VCAM1: variants seen among roughly 807,000 people sequenced by gnomAD.
VCAM1 encodes the protein vascular cell adhesion molecule 1.
In VCAM1, 41 loss-of-function variants were observed where a neutral mutation model predicts 63.8. That is an observed-to-expected ratio of 0.64 (90% CI 0.50 to 0.83). The LOEUF is 0.83. Among genes scored for constraint, VCAM1 ranks in the 40% least tolerant of loss-of-function variants. The pLI, the probability that VCAM1 is intolerant of heterozygous loss-of-function variation, is 0.00. For missense variants in VCAM1, 798 were observed against 875.5 expected, an observed-to-expected ratio of 0.91 and a Z score of 1.12; for synonymous variants, 338 against 320.7, an observed-to-expected ratio of 1.05 and a Z score of -0.58.
chr1:100,719,772 A>T lies in VCAM1; in HGVS notation c.-89A>T. On this transcript the variant is annotated 5_prime_UTR_variant, in exon 1 of 9. Coordinates refer to ENST00000294728, the MANE Select transcript of VCAM1 (RefSeq NM_001078.4). The stretch of plus-strand genomic sequence containing the variant: ...ATCTGCATCGGGCCTCACTGGCTTC[A>T]GGAGCTGAATACCCTCCCAGGCACA... 2 of 1,373,256 alleles carry T rather than the reference A, an allele frequency of 1.5e-6. No homozygotes were observed. The highest frequency in any genetic ancestry group is 1.0e-6 in the Non-Finnish European group (1 of 991,184). The allele number at this position is 1,373,256 out of a possible 1,614,324, so 85.1% of individuals were successfully genotyped here. A position where few individuals can be genotyped will look rare whatever the true frequency, so the allele number is the denominator to read the frequency against.
intron 2 of VCAM1, among the ~76,000 whole-genome samples, chr1:100,721,314 G>GT (rs34736359): frequency 1.3e-5 from 2 of 151,106 alleles, no homozygotes; most frequent in Non-Finnish European, 3.0e-5. Flanking sequence ...TTTTTTTTTG[G>GT]TTTTTTTGGT....
chr1:100,738,372 G>T lies in VCAM1; in HGVS notation c.*89G>T. On this transcript the variant is annotated 3_prime_UTR_variant, in exon 9 of 9. Transcript: ENST00000294728. Reference sequence around the variant, plus strand: ...CATTCCTTGAGAAAAACAATGAGCTGAGAGGCAGACTTCCCTGAATGTATT... The same window carrying T: ...CATTCCTTGAGAAAAACAATGAGCTTAGAGGCAGACTTCCCTGAATGTATT... 1 of 1,412,600 alleles carries T rather than the reference G, an allele frequency of 7.1e-7. No homozygotes were observed. The allele number at this position is 1,412,600 out of a possible 1,614,324, so 87.5% of individuals were successfully genotyped here. A position where few individuals can be genotyped will look rare whatever the true frequency, so the allele number is the denominator to read the frequency against.
intron 7 of VCAM1, 72 bp downstream of exon 7, chr1:100,732,756 G>A: frequency 6.9e-7 from 1 of 1,458,130 alleles, no homozygotes; most frequent in South Asian, 1.6e-5. Context: ...TATGAGTAAA[G>A]TCTTTGAAAA....
rs973691136 is a variant in VCAM1 at position 100,734,434 on chromosome 1, C to T, written c.1793-68C>T. 1.4e-5 allele frequency: 21 copies of T among 1,516,170 alleles called. 1 individual carries two copies. In the South Asian group the frequency reaches 1.4e-4, roughly 10 times the overall value. The allele number at this position is 1,516,170 out of a possible 1,614,324, so 93.9% of individuals were successfully genotyped here. A position where few individuals can be genotyped will look rare whatever the true frequency, so the allele number is the denominator to read the frequency against. ...GCTCCAGGGAAGCTATTGTTGATGT[C>T]GCTAAATTAATATGGAGTTGGTTTA... On this transcript the variant is annotated intron_variant, in intron 7 of 8. Transcript: ENST00000294728.
chr1:100,736,469 T>TA (rs1660652904), intron 8 of VCAM1: 1 of 152,174 alleles, frequency 6.6e-6, no homozygotes, highest in South Asian at 2.1e-4. Context: ...TCAGTGTTTA[T>TA]ATGACAAATA....
At chr1:100,723,761 A>ATGTG (rs904063369) in intron 3 of VCAM1, among the ~76,000 whole-genome samples, 2 of 151,768 alleles carry the variant, frequency 1.3e-5, no homozygotes, top group African/African-American at 4.8e-5. Flanking sequence ...CTGTGTGTGT[A>ATGTG]TGTGTGTGTG....
At chr1:100,727,767 A>G (rs3917042) in intron 4 of VCAM1, among the ~76,000 whole-genome samples, 4,719 of 152,174 alleles carry the variant, frequency 0.031, 243 homozygotes, top group African/African-American at 0.11. Context: ...TAGCATATAA[A>G]AAATTCAGAA....
chr1:100,724,606 T>C lies in VCAM1; in HGVS notation c.662-18T>C. Reference sequence around the variant, plus strand: ...GATGATGCTTAGCAATTGCTAATATTATTTTTTGCCCTTTCAGTATCACCC... The same window carrying C: ...GATGATGCTTAGCAATTGCTAATATCATTTTTTGCCCTTTCAGTATCACCC... On this transcript the variant is annotated intron_variant, in intron 3 of 8. Coordinates refer to ENST00000294728, the MANE Select transcript of VCAM1 (RefSeq NM_001078.4). 1 of 1,606,344 alleles carries C rather than the reference T, an allele frequency of 6.2e-7. No homozygotes were observed. Among genetic ancestry groups the C allele is most frequent in the Non-Finnish European group, 8.5e-7 (1 of 1,174,574 alleles).
rs1364758866 is a variant in VCAM1 at position 100,719,933 on chromosome 1, T to C, written c.64+9T>C. The C allele has an allele frequency of 3.7e-6, 6 of 1,608,288 alleles. No individual in the cohort carries two copies. Among genetic ancestry groups the C allele is most frequent in the Non-Finnish European group, 5.1e-6 (6 of 1,175,892 alleles). On this transcript the variant is annotated intron_variant, in intron 1 of 8. Transcript: ENST00000294728. The stretch of plus-strand genomic sequence containing the variant: ...GATAATGTTTGCAGCTTGTAAGTTA[T>C]TTCCCTTCATCTGTTTCAAATGTTA...
chr1:100,726,544 C>T (rs1292046813), intron 4 of VCAM1, among the ~76,000 whole-genome samples: 2 of 152,046 alleles, frequency 1.3e-5, no homozygotes, highest in Non-Finnish European at 2.9e-5. Flanking sequence ...AAAATCTTAG[C>T]CATTCTCCAA....
chr1:100,723,866 T>C (rs1660059766), intron 3 of VCAM1, among the ~76,000 whole-genome samples: 2 of 152,016 alleles, frequency 1.3e-5, no homozygotes, highest in East Asian at 1.9e-4. Flanking sequence ...GCCAGGGGAT[T>C]TGTGGGAGTC....
Position 100,732,473 on chromosome 1 carries a change from C to T in VCAM1, c.1581C>T (p.Gly527=). Residue 527 remains glycine (G), a synonymous_variant, in exon 7 of 9, where the codon GGC becomes GGT. Transcript: ENST00000294728. ...GCCCTTCCTCCATCCTGGAGGAAGG[C>T]AGTTCTGTGAATATGACATGCTTGA... The part of the protein sequence containing the change: ...LVSPSSILEE[G]SSVNMTCLSQ... 6.2e-7 allele frequency: 1 copy of T among 1,610,650 alleles called. No homozygotes were observed. The highest frequency in any genetic ancestry group is 1.1e-5 in the South Asian group (1 of 90,194).
Position 100,720,516 on chromosome 1 carries a change from T to C in VCAM1, c.105T>C (p.Tyr35=). The C allele has an allele frequency of 3.7e-6, 6 of 1,613,204 alleles. No homozygotes were observed. The change falls in exon 2 of 9, where the codon TAT becomes TAC. Residue 35 remains tyrosine, a synonymous_variant. Transcript: ENST00000294728. ...FKIETTPESR[Y]LAQIGDSVSL... is the part of the protein sequence containing the mutation. Reference sequence around the variant, plus strand: ...TCGAGACCACCCCAGAATCTAGATATCTTGCTCAGATTGGTGACTCCGTCT... The same window carrying C: ...TCGAGACCACCCCAGAATCTAGATACCTTGCTCAGATTGGTGACTCCGTCT...
At chr1:100,734,836 C>T in intron 8 of VCAM1, 68 bp downstream of exon 8, 4 of 1,540,596 alleles carry the variant, frequency 2.6e-6, no homozygotes, top group Non-Finnish European at 3.5e-6. Flanking sequence ...CTAAGAGTTT[C>T]CAATATTTGA....
chr1:100,723,449 G>A, intron 3 of VCAM1, 109 bp downstream of exon 3: 1 of 1,129,410 alleles, frequency 8.9e-7, no homozygotes, highest in Non-Finnish European at 1.2e-6. Flanking sequence ...TATATAGTTT[G>A]TATTCCATTT....
At chr1:100,738,033 T>C (rs1048583704) in intron 8 of VCAM1, 90 bp from the exon 9 acceptor site, 3 of 1,392,876 alleles carry the variant, frequency 2.2e-6, no homozygotes, top group Non-Finnish European at 3.0e-6. Context: ...GGAGAACTAG[T>C]TGTACTGTTA....
chr1:100,731,136 A>G lies in VCAM1; in HGVS notation c.1205-62A>G. ...ATTTTTAGGCCTTTACATTTAATAA[A>G]GCTTAGCTCAATTTTTCCTTGAATA... On this transcript the variant is annotated intron_variant, in intron 5 of 8. Coordinates refer to ENST00000294728, the MANE Select transcript of VCAM1 (RefSeq NM_001078.4). This position sits in a 1 kb window ranked among gnomAD's most constrained non-coding sequence, Gnocchi z 4.2. 2 of 1,506,048 alleles carry G rather than the reference A, an allele frequency of 1.3e-6. No homozygotes were observed. The highest frequency in any genetic ancestry group is 1.8e-6 in the Non-Finnish European group (2 of 1,126,676). The allele number at this position is 1,506,048 out of a possible 1,614,324, so 93.3% of individuals were successfully genotyped here.
In VCAM1 at chr1:100,731,733, A is replaced by T. The variant is rs3176871; in HGVS notation, c.1525+215A>T. 6.6e-6 allele frequency among the ~76,000 whole-genome samples: 1 copy of T among 152,150 alleles called. No individual in the cohort carries two copies. Among genetic ancestry groups the T allele is most frequent in the Non-Finnish European group, 1.5e-5 (1 of 68,030 alleles). On this transcript the variant is annotated intron_variant, in intron 6 of 8. Transcript: ENST00000294728. This position sits in a 1 kb window ranked among gnomAD's most constrained non-coding sequence, Gnocchi z 4.2. ...TTATGATGCTTTGAGTAGGCAATTTAGGAAGGGACCAGCTAGGCAGTTATT... is the reference window on the plus strand; with the variant it reads ...TTATGATGCTTTGAGTAGGCAATTTTGGAAGGGACCAGCTAGGCAGTTATT...
At chr1:100,737,987 G>A in intron 8 of VCAM1, 136 bp from the exon 9 acceptor site, 2 of 943,188 alleles carry the variant, frequency 2.1e-6, no homozygotes, top group Non-Finnish European at 3.2e-6. Context: ...CTTGGGTCCT[G>A]ATGGTCCTTA....
Sources: gnomAD v4.1 joint callset for allele counts (sites outside exome capture counted in the v4.1 genomes callset) on GRCh38, gnomAD v4.1.1 for gene constraint, Gnocchi (gnomAD v3.1) non-coding constraint, MANE v1.5 for transcripts, NCBI Gene and HGNC (gene_info 2026-07-23, HGNC 2026-07-21) for gene names.